Variants in CLVS1 observed in about 807,000 individuals in gnomAD.
CLVS1 encodes the protein clavesin-1.
A neutral mutation model predicts 33.1 loss-of-function variants in CLVS1; 10 were observed. The ratio of observed to expected loss-of-function variants is 0.30; its 90% CI spans 0.19 to 0.51. CLVS1 has a LOEUF of 0.51. Among genes scored for constraint, CLVS1 ranks in the 20% least tolerant of loss-of-function variants. The pLI is 0.97. For missense variants in CLVS1, 343 were observed against 433.4 expected (o/e 0.79, Z 1.85); for synonymous variants, 163 against 166.1 (o/e 0.98, Z 0.14).
chr8:61,433,138 GA>G (rs1199651426), intron 3 of CLVS1, among the ~76,000 whole-genome samples: 1 of 152,182 alleles, frequency 6.6e-6, no homozygotes, highest in Non-Finnish European at 1.5e-5. Context: ...ATTTTTTGTA[GA>G]GAAGGTGTTT....
At chr8:61,042,472 C>T in the CLVS1 span, among the ~76,000 whole-genome samples, 1 of 120,846 alleles carries the variant, frequency 8.3e-6, no homozygotes. Flanking sequence ...ATTTGTTTCT[C>T]ACAATTTTGG....
At chr8:61,300,613 A>G in intron 2 of CLVS1, 1 of 200,304 alleles carries the variant, frequency 5.0e-6, no homozygotes, top group Non-Finnish European at 1.0e-5. Context: ...GAAAACAAAA[A>G]TGGAGTTAGT....
At position 61,218,646 on chromosome 8, in the gene CLVS1, A is replaced by C. The variant is rs566880280; in HGVS notation, c.-151-81031A>C. On this transcript the variant is annotated intron_variant, in intron 2 of 2. Coordinates refer to the CLVS1 transcript ENST00000522621. Reference sequence around the variant, plus strand: ...ATTATTATATGTCAATAAAAAAAAAACAACAAGGCCAGGCATGGTGGATGA... The same window carrying C: ...ATTATTATATGTCAATAAAAAAAAACCAACAAGGCCAGGCATGGTGGATGA... Among the ~76,000 whole-genome samples, 50 of 150,978 alleles carry C rather than the reference A, an allele frequency of 3.3e-4. 1 individual carries two copies. The highest frequency in any genetic ancestry group is 1.2e-3 in the African/African-American group (48 of 41,088).
At chr8:61,371,107 C>G (rs1386170603) in intron 2 of CLVS1, among the ~76,000 whole-genome samples, 1 of 152,070 alleles carries the variant, frequency 6.6e-6, no homozygotes, top group Non-Finnish European at 1.5e-5. Flanking sequence ...GTTTACATTC[C>G]CACCAGCAGT....
chr8:61,037,697 C>T, the CLVS1 span, among the ~76,000 whole-genome samples: 3 of 152,156 alleles, frequency 2.0e-5, no homozygotes, highest in African/African-American at 7.2e-5. Context: ...TTTATAGAGA[C>T]ACCCTTTACT....
intron 2 of CLVS1, among the ~76,000 whole-genome samples, chr8:61,238,229 C>A (rs1808608261): frequency 6.6e-6 from 1 of 152,134 alleles, no homozygotes; most frequent in Admixed American, 6.6e-5. Context: ...TCAGGACCTT[C>A]GGCTGCAGTT....
intron 2 of CLVS1, among the ~76,000 whole-genome samples, chr8:61,169,102 C>T (rs1221540064): frequency 1.3e-5 from 2 of 151,474 alleles, no homozygotes; most frequent in Non-Finnish European, 3.0e-5. Flanking sequence ...GTATCCTTTG[C>T]CACTTAGCTT....
At chr8:61,179,634 CAA>C (rs1260269180) in intron 2 of CLVS1, among the ~76,000 whole-genome samples, 2 of 152,150 alleles carry the variant, frequency 1.3e-5, no homozygotes, top group Non-Finnish European at 2.9e-5. Flanking sequence ...GAAATAATAA[CAA>C]ACAGTGTCTC....
chr8:61,325,391 A>T (rs542754854), intron 2 of CLVS1, among the ~76,000 whole-genome samples: 1 of 152,336 alleles, frequency 6.6e-6, no homozygotes, highest in Non-Finnish European at 1.5e-5. Context: ...GCAGCTGAGT[A>T]GTGTTCTATA....
At chr8:61,392,034 G>A (rs536325540) in intron 3 of CLVS1, among the ~76,000 whole-genome samples, 1 of 152,224 alleles carries the variant, frequency 6.6e-6, no homozygotes, top group African/African-American at 2.4e-5. Context: ...ATTTCTTTAA[G>A]TTTATATAAT....
At chr8:61,244,495 T>A (rs1359052923) in intron 2 of CLVS1, among the ~76,000 whole-genome samples, 1 of 152,158 alleles carries the variant, frequency 6.6e-6, no homozygotes, top group Non-Finnish European at 1.5e-5. Context: ...TTAAGTCAAG[T>A]TTTAATGTTG....
At chr8:61,232,927 A>G (rs745558102) in intron 2 of CLVS1, among the ~76,000 whole-genome samples, 3 of 152,208 alleles carry the variant, frequency 2.0e-5, no homozygotes, top group South Asian at 4.1e-4. Flanking sequence ...TTCACTTTTC[A>G]TCTGTTTCCT....
intron 2 of CLVS1, among the ~76,000 whole-genome samples, chr8:61,177,713 G>A (rs1195921355): frequency 6.6e-6 from 1 of 151,694 alleles, no homozygotes; most frequent in African/African-American, 2.4e-5. Context: ...GGACAGAAGG[G>A]AACCCCTAGC....
At chr8:61,485,459 G>C (rs992624080) in intron 5 of CLVS1, among the ~76,000 whole-genome samples, 12 of 152,228 alleles carry the variant, frequency 7.9e-5, no homozygotes, top group African/African-American at 2.4e-4. Flanking sequence ...GTGCTAGAAA[G>C]GATGTGGAGA....
chr8:61,233,353 G>A (rs556418788), intron 2 of CLVS1, among the ~76,000 whole-genome samples: 36 of 152,244 alleles, frequency 2.4e-4, no homozygotes, highest in African/African-American at 8.4e-4. Context: ...ATGATATTCA[G>A]TGAGGTACAA....
At chr8:61,454,668 A>G (rs1817082996) in intron 4 of CLVS1, among the ~76,000 whole-genome samples, 1 of 152,256 alleles carries the variant, frequency 6.6e-6, no homozygotes, top group Admixed American at 6.5e-5. Context: ...TTGGGTGATA[A>G]CTGCTAACTG....
intron 3 of CLVS1, among the ~76,000 whole-genome samples, chr8:61,413,594 T>G (rs1815316935): frequency 6.6e-6 from 1 of 152,206 alleles, no homozygotes; most frequent in African/African-American, 2.4e-5. Context: ...ACAAACAGCA[T>G]GCAGTTTATA....
the CLVS1 span, among the ~76,000 whole-genome samples, chr8:61,005,123 A>T: frequency 6.6e-6 from 1 of 152,192 alleles, no homozygotes; most frequent in Non-Finnish European, 1.5e-5. Context: ...CATCTTGCAG[A>T]TGACTGACTC....
intron 1 of CLVS1, among the ~76,000 whole-genome samples, chr8:61,124,943 G>GGA (rs1307638420): frequency 6.6e-6 from 1 of 152,166 alleles, no homozygotes; most frequent in Non-Finnish European, 1.5e-5. Context: ...AGGTGAGAGA[G>GGA]GAGAGTGAGA....
Sources: allele counts gnomAD v4.1 joint callset (sites outside exome capture counted in the v4.1 genomes callset), GRCh38; gene constraint gnomAD v4.1.1; transcripts MANE v1.5; gene names NCBI Gene and HGNC (gene_info 2026-07-23, HGNC 2026-07-21).